Variants in ESR1 observed in about 807,000 individuals in gnomAD.
The protein encoded by ESR1 is estrogen receptor 1, also known as estrogen receptor.
Under a neutral mutation model 52.7 loss-of-function variants are expected in ESR1, and 12 were observed. The ratio of observed to expected loss-of-function variants is 0.23; its 90% CI spans 0.15 to 0.37. ESR1 has a LOEUF of 0.37. ESR1 is among the 10% of genes least tolerant of loss of function. ESR1 has a pLI of 1.00. For synonymous variants in ESR1, 305 were observed against 316.8 expected (o/e 0.96, Z 0.39); for missense variants, 584 against 779.7 (o/e 0.75, Z 2.99).
At chr6:152,122,493 G>A (rs770321987) in intron 6 of ESR1, 4 of 1,614,116 alleles carry the variant, frequency 2.5e-6, no homozygotes, top group South Asian at 1.1e-5. Flanking sequence ...ACCGGGCAAA[G>A]TTGTTGGAGA....
chr6:152,073,805 C>T (rs939713529), intron 6 of ESR1, among the ~76,000 whole-genome samples: 2 of 152,170 alleles, frequency 1.3e-5, no homozygotes, highest in South Asian at 2.1e-4. Flanking sequence ...CTAGCGGCCC[C>T]GCCTCAAGCC....
intron 4 of ESR1, among the ~76,000 whole-genome samples, chr6:151,989,897 T>C (rs1262365133): frequency 6.6e-6 from 1 of 152,110 alleles, no homozygotes; most frequent in Non-Finnish European, 1.5e-5. Flanking sequence ...TGTGTTAGCC[T>C]ATCTGTTTCT....
chr6:152,123,562 G>C (rs1403005575), intron 6 of ESR1, among the ~76,000 whole-genome samples: 1 of 152,198 alleles, frequency 6.6e-6, no homozygotes, highest in Non-Finnish European at 1.5e-5. Flanking sequence ...AGTAGATTCT[G>C]AGTTGGGTGC....
In ESR1 at chr6:151,808,122, G is replaced by C. The variant is rs1201056666; in HGVS notation, c.210G>C (p.Ala70=). 1 of 1,610,130 alleles carries C rather than the reference G, an allele frequency of 6.2e-7. No homozygotes were observed. Among genetic ancestry groups the C allele is most frequent in the African/African-American group, 1.3e-5 (1 of 74,892 alleles). The change falls in exon 1 of 8, where the codon GCG becomes GCC. Residue 70 remains alanine (A), a synonymous_variant. Coordinates refer to ENST00000206249, the MANE Select transcript of ESR1 (RefSeq NM_000125.4). ...YEFNAAAAAN[A]QVYGQTGLPY... ...TCAACGCCGCGGCCGCCGCCAACGC[G>C]CAGGTCTACGGTCAGACCGGCCTCC...
intron 4 of ESR1, among the ~76,000 whole-genome samples, chr6:151,987,998 A>T (rs1235519946): frequency 6.6e-6 from 1 of 152,090 alleles, no homozygotes; most frequent in Non-Finnish European, 1.5e-5. Flanking sequence ...TAAACTCAGT[A>T]TAGTTTTAAA....
intron 2 of ESR1, among the ~76,000 whole-genome samples, chr6:151,781,869 G>C (rs1168656523): frequency 2.0e-5 from 3 of 152,068 alleles, no homozygotes; most frequent in African/African-American, 7.2e-5. Flanking sequence ...GGGAACCACA[G>C]AGCTATTTAG....
intron 2 of ESR1, among the ~76,000 whole-genome samples, chr6:151,704,178 C>G (rs1339801398): frequency 6.6e-6 from 1 of 152,176 alleles, no homozygotes; most frequent in East Asian, 1.9e-4. Flanking sequence ...TGCCCCCACT[C>G]CCACTCTTTC....
At chr6:151,867,704 G>A (rs148922968) in intron 2 of ESR1, among the ~76,000 whole-genome samples, 163 of 152,302 alleles carry the variant, frequency 1.1e-3, no homozygotes, top group Non-Finnish European at 8.8e-4. Context: ...GTTGGTGGGA[G>A]TGTAAATTAG....
chr6:151,923,301 T>G (rs1341292643), intron 3 of ESR1, among the ~76,000 whole-genome samples: 1 of 152,206 alleles, frequency 6.6e-6, no homozygotes, highest in African/African-American at 2.4e-5. Context: ...TAAATTAACT[T>G]TTTAAGTTTG....
chr6:151,821,494 T>G (rs1462812012), intron 1 of ESR1, among the ~76,000 whole-genome samples: 2 of 152,258 alleles, frequency 1.3e-5, no homozygotes, highest in Admixed American at 1.3e-4. Flanking sequence ...TTGTTTACTT[T>G]GGTATTGAAG....
chr6:151,757,376 T>G (rs1784370812), intron 2 of ESR1, among the ~76,000 whole-genome samples: 1 of 152,218 alleles, frequency 6.6e-6, no homozygotes, highest in African/African-American at 2.4e-5. Flanking sequence ...ATTACTCATC[T>G]CTATAAAGAG....
At chr6:151,923,820 ATATC>A (rs1319608034) in intron 3 of ESR1, among the ~76,000 whole-genome samples, 1 of 152,184 alleles carries the variant, frequency 6.6e-6, no homozygotes, top group African/African-American at 2.4e-5. Flanking sequence ...AGTTGGGTAA[ATATC>A]TAGGAATTCA....
intron 3 of ESR1, among the ~76,000 whole-genome samples, chr6:151,899,622 C>T (rs939788413): frequency 5.3e-5 from 8 of 150,896 alleles, no homozygotes; most frequent in African/African-American, 9.8e-5. Flanking sequence ...CGGGCGGAGA[C>T]GCTCCTCACT....
intron 3 of ESR1, among the ~76,000 whole-genome samples, chr6:151,888,732 T>A (rs9340857): frequency 0.019 from 2,911 of 152,314 alleles, 53 homozygotes; most frequent in South Asian, 0.085. Flanking sequence ...AGAGTGGGCA[T>A]CCTTGTCTTG....
At chr6:151,833,893 G>A (rs959801453) in intron 1 of ESR1, among the ~76,000 whole-genome samples, 2 of 152,138 alleles carry the variant, frequency 1.3e-5, no homozygotes, top group Non-Finnish European at 2.9e-5. Flanking sequence ...TTGGGGAGGG[G>A]TGAGTGCCAT....
chr6:151,967,653 A>G (rs531194352), intron 4 of ESR1, among the ~76,000 whole-genome samples: 1 of 152,310 alleles, frequency 6.6e-6, no homozygotes, highest in Non-Finnish European at 1.5e-5. Context: ...ATACGTGTTC[A>G]TGTGTCTTTA....
rs529628600 is a variant in ESR1, at chr6:152,122,616, G to A, written c.851-2650G>A. 1.4e-5 allele frequency: 23 copies of A among 1,614,182 alleles called. No individual in the cohort carries two copies. Among genetic ancestry groups the A allele is most frequent in the Middle Eastern group, 1.6e-4 (1 of 6,062 alleles). On this transcript the variant is annotated intron_variant, in intron 6 of 6. Coordinates refer to the ESR1 transcript ENST00000427531. Reference sequence around the variant, plus strand: ...CTCGGAGGACTCTGAACAGGAAGCCGCGGCCGGACCGACCTGGCCCTGGCT... The same window carrying A: ...CTCGGAGGACTCTGAACAGGAAGCCACGGCCGGACCGACCTGGCCCTGGCT...
At chr6:151,862,241 C>T (rs924954132) in intron 2 of ESR1, among the ~76,000 whole-genome samples, 10 of 152,140 alleles carry the variant, frequency 6.6e-5, no homozygotes, top group East Asian at 3.9e-4. Flanking sequence ...CTGACTAGTA[C>T]GACTGCAAAG....
At chr6:151,781,580 C>T (rs1291645856) in intron 2 of ESR1, among the ~76,000 whole-genome samples, 2 of 152,196 alleles carry the variant, frequency 1.3e-5, no homozygotes, top group Non-Finnish European at 2.9e-5. Flanking sequence ...GACTCCCAAT[C>T]CAGAATGTTT....
Sources: gnomAD v4.1 joint callset for allele counts (sites outside exome capture counted in the v4.1 genomes callset) on GRCh38, gnomAD v4.1.1 for gene constraint, MANE v1.5 for transcripts, NCBI Gene and HGNC (gene_info 2026-07-23, HGNC 2026-07-21) for gene names.